The following EIF3H variants were observed in gnomAD, a reference collection of about 807,000 sequenced individuals.
EIF3H encodes the protein eukaryotic translation initiation factor 3 subunit H.
In EIF3H, 26 loss-of-function variants were observed where a neutral mutation model predicts 44.2. The observed-to-expected ratio is 0.59, with a 90% CI of 0.43 to 0.82. The LOEUF is 0.82. EIF3H is among the 40% of genes least tolerant of loss of function. The pLI, the probability that EIF3H is intolerant of heterozygous loss-of-function variation, is 0.00. For synonymous variants in EIF3H, 166 were observed against 151.9 expected, an observed-to-expected ratio of 1.09 and a Z score of -0.68; for missense variants, 359 against 432.8, an observed-to-expected ratio of 0.83 and a Z score of 1.51.
upstream of EIF3H, among the ~76,000 whole-genome samples, chr8:116,758,643 A>G (rs1815484593): frequency 6.6e-6 from 1 of 152,210 alleles, no homozygotes; most frequent in Non-Finnish European, 1.5e-5. Flanking sequence ...ATAATTTCTG[A>G]GTTGAAATTA....
intron 4 of EIF3H, among the ~76,000 whole-genome samples, chr8:116,656,395 T>A (rs1042559633): frequency 6.6e-6 from 1 of 152,178 alleles, no homozygotes; most frequent in Admixed American, 6.5e-5. Context: ...CTTGAAAAGT[T>A]CATTTAAAAA....
chr8:116,748,819 C>A (rs1051431927), intron 1 of EIF3H, among the ~76,000 whole-genome samples: 3 of 152,172 alleles, frequency 2.0e-5, no homozygotes, highest in African/African-American at 7.2e-5. Context: ...ATAACCTAGG[C>A]ACATCTTCCT....
chr8:116,712,364 A>C (rs1814587646), intron 2 of EIF3H, among the ~76,000 whole-genome samples: 1 of 152,222 alleles, frequency 6.6e-6, no homozygotes, highest in South Asian at 2.1e-4. Context: ...ACAGGAAAGA[A>C]GGGCTGTCTA....
chr8:116,647,888 G>A (rs930741655), intron 6 of EIF3H, among the ~76,000 whole-genome samples: 1 of 151,184 alleles, frequency 6.6e-6, no homozygotes, highest in Non-Finnish European at 1.5e-5. Flanking sequence ...TTCCCCCTCA[G>A]TTTATCAGAC....
At chr8:116,657,126 C>T in intron 4 of EIF3H, 89 bp downstream of exon 4, 1 of 1,152,746 alleles carries the variant, frequency 8.7e-7, no homozygotes, top group Non-Finnish European at 1.3e-6. Flanking sequence ...AGCATTACCA[C>T]ACCACAACCA....
chr8:116,730,186 G>A (rs1278630732), intron 1 of EIF3H, among the ~76,000 whole-genome samples: 1 of 152,148 alleles, frequency 6.6e-6, no homozygotes, highest in Admixed American at 6.5e-5. Flanking sequence ...TGGAGCAGGG[G>A]TTCCCAACCC....
chr8:116,671,434 T>C (rs1052847073), intron 2 of EIF3H, among the ~76,000 whole-genome samples: 1 of 152,230 alleles, frequency 6.6e-6, no homozygotes, highest in African/African-American at 2.4e-5. Flanking sequence ...CCTTTTCCCC[T>C]GAAGAATATA....
At chr8:116,697,615 C>G (rs1021906238) in intron 2 of EIF3H, among the ~76,000 whole-genome samples, 1 of 152,154 alleles carries the variant, frequency 6.6e-6, no homozygotes, top group African/African-American at 2.4e-5. Context: ...TATGTTTACC[C>G]CCCTTACCAG....
intron 2 of EIF3H, among the ~76,000 whole-genome samples, chr8:116,668,907 A>C (rs117581395): frequency 1.5e-3 from 231 of 152,268 alleles, no homozygotes; most frequent in Non-Finnish European, 2.5e-3. Context: ...TATGATACTC[A>C]TCTGGGTCAG....
intron 2 of EIF3H, among the ~76,000 whole-genome samples, chr8:116,669,479 T>C (rs1813719048): frequency 6.6e-6 from 1 of 152,166 alleles, no homozygotes; most frequent in Non-Finnish European, 1.5e-5. Flanking sequence ...GCCAGCTTAC[T>C]CAGGGGACTG....
Position 116,644,596 on chromosome 8 carries a change from T to C in EIF3H, c.*410A>G, listed in dbSNP as rs1449687193. ...TTTGGGAGCAGCGAAGTATAAAAATTCAAAAAAAAAATATTCACAGTAGAT... is the reference window on the plus strand; with the variant it reads ...TTTGGGAGCAGCGAAGTATAAAAATCCAAAAAAAAAATATTCACAGTAGAT... On this transcript the variant is annotated 3_prime_UTR_variant, in exon 8 of 8. Coordinates refer to ENST00000521861, the MANE Select transcript of EIF3H (RefSeq NM_003756.3). 6.4e-6 allele frequency: 1 copy of C among 155,902 alleles called. No homozygotes were observed. The highest frequency in any genetic ancestry group is 2.4e-5 in the African/African-American group (1 of 41,120). 9.7% of individuals were successfully genotyped at this position (155,902 alleles called of 1,614,324 possible).
At chr8:116,711,917 G>A (rs1326032703) in intron 2 of EIF3H, among the ~76,000 whole-genome samples, 2 of 152,110 alleles carry the variant, frequency 1.3e-5, no homozygotes, top group African/African-American at 2.4e-5. Flanking sequence ...AAAAATATGT[G>A]TAGCAGAAAT....
At chr8:116,739,769 CT>C (rs1201459666) in intron 1 of EIF3H, among the ~76,000 whole-genome samples, 1 of 152,198 alleles carries the variant, frequency 6.6e-6, no homozygotes, top group Non-Finnish European at 1.5e-5. Context: ...CTGTGTGTGT[CT>C]TTAATTCCTC....
chr8:116,681,170 C>A (rs1563641449), intron 2 of EIF3H, among the ~76,000 whole-genome samples: 1 of 151,948 alleles, frequency 6.6e-6, no homozygotes, highest in East Asian at 1.9e-4. Context: ...CGAGACCAGC[C>A]TGGACAACAT....
At chr8:116,656,104 T>G in intron 4 of EIF3H, 99 bp from the exon 5 acceptor site, 10 of 1,128,594 alleles carry the variant, frequency 8.9e-6, no homozygotes, top group Non-Finnish European at 1.2e-5. Context: ...CTATCCAAGA[T>G]CTTTGTTTCA....
In EIF3H at chr8:116,644,440, G is replaced by C. The variant is rs975517045; in HGVS notation, c.*566C>G. The C allele has an allele frequency of 6.5e-6, 1 of 152,972 alleles. No homozygotes were observed. Among genetic ancestry groups the C allele is most frequent in the African/African-American group, 2.4e-5 (1 of 41,408 alleles). 9.5% of individuals were successfully genotyped at this position (152,972 alleles called of 1,614,324 possible). Reference sequence around the variant, plus strand: ...CTTGTGTCCCATGGCCTATGAGTACGGGGACTGGTTGACCATCACCTGCAG... The same window carrying C: ...CTTGTGTCCCATGGCCTATGAGTACCGGGACTGGTTGACCATCACCTGCAG... On this transcript the variant is annotated 3_prime_UTR_variant, in exon 8 of 8. Coordinates refer to ENST00000521861, the MANE Select transcript of EIF3H (RefSeq NM_003756.3).
intron 1 of EIF3H, among the ~76,000 whole-genome samples, chr8:116,741,346 G>C (rs1029044400): frequency 6.6e-5 from 10 of 151,974 alleles, no homozygotes; most frequent in African/African-American, 2.4e-4. Context: ...GCATCAATCA[G>C]CTGGACATAC....
chr8:116,668,531 A>G (rs997954862), intron 2 of EIF3H, among the ~76,000 whole-genome samples: 2 of 152,196 alleles, frequency 1.3e-5, no homozygotes, highest in African/African-American at 2.4e-5. Flanking sequence ...ATTTTCCCAT[A>G]GTCACCTATA....
At chr8:116,684,316 A>C (rs566861360) in intron 2 of EIF3H, among the ~76,000 whole-genome samples, 52 of 152,212 alleles carry the variant, frequency 3.4e-4, no homozygotes, top group Non-Finnish European at 6.8e-4. Context: ...TTTGATTGAA[A>C]GTAGAAAAAA....
Sources: gnomAD v4.1 joint callset for allele counts (sites outside exome capture counted in the v4.1 genomes callset) on GRCh38, gnomAD v4.1.1 for gene constraint, MANE v1.5 for transcripts, NCBI Gene and HGNC (gene_info 2026-07-23, HGNC 2026-07-21) for gene names.